Variants in ATXN1 observed in about 807,000 individuals in gnomAD.
The protein encoded by ATXN1 is ataxin-1.
Under a neutral mutation model 56.4 loss-of-function variants are expected in ATXN1, and 8 were observed. The observed-to-expected ratio is 0.14, with a 90% CI of 0.08 to 0.26. The LOEUF is 0.26. Among genes scored for constraint, ATXN1 ranks in the 10% least tolerant of loss-of-function variants. ATXN1 has a pLI of 1.00. For missense variants in ATXN1, 987 were observed against 1,106.5 expected, an observed-to-expected ratio of 0.89 and a Z score of 1.53; for synonymous variants, 514 against 494.6, an observed-to-expected ratio of 1.04 and a Z score of -0.52.
intron 2 of ATXN1, among the ~76,000 whole-genome samples, chr6:16,748,932 C>A (rs1760624796): frequency 6.6e-6 from 1 of 152,178 alleles, no homozygotes; most frequent in African/African-American, 2.4e-5. Context: ...GTAACATCAT[C>A]TCCAGCCTTC....
intron 2 of ATXN1, among the ~76,000 whole-genome samples, chr6:16,664,877 T>C (rs951855202): frequency 6.6e-6 from 1 of 152,210 alleles, no homozygotes; most frequent in South Asian, 2.1e-4. Context: ...TTGAGAAAAA[T>C]GTAAAATATT....
At chr6:16,407,414 T>C (rs539283773) in intron 6 of ATXN1, among the ~76,000 whole-genome samples, 2 of 152,222 alleles carry the variant, frequency 1.3e-5, no homozygotes, top group Non-Finnish European at 2.9e-5. Flanking sequence ...CAATGGCACA[T>C]TGAAATCACT....
At chr6:16,519,175 T>C (rs1761240591) in intron 5 of ATXN1, among the ~76,000 whole-genome samples, 1 of 152,130 alleles carries the variant, frequency 6.6e-6, no homozygotes, top group Non-Finnish European at 1.5e-5. Context: ...AGAAGATACA[T>C]GTTTCGTATC....
intron 3 of ATXN1, among the ~76,000 whole-genome samples, chr6:16,616,701 T>G (rs1171441522): frequency 6.9e-6 from 1 of 145,736 alleles, no homozygotes; most frequent in Admixed American, 7.0e-5. Flanking sequence ...TAATGGTCAG[T>G]TACTAGAAGA....
intron 6 of ATXN1, among the ~76,000 whole-genome samples, chr6:16,395,281 A>AAAAAAAAAAAAAAG: frequency 6.6e-6 from 1 of 151,256 alleles, no homozygotes; most frequent in Non-Finnish European, 1.5e-5. Flanking sequence ...AAAAAAAAAA[A>AAAAAAAAAAAAAAG]AAAAAAAAAA....
Position 16,358,449 on chromosome 6 carries a change from A to G in ATXN1, c.-160-29979T>C, listed in dbSNP as rs563940281. Among the ~76,000 whole-genome samples, 95 of 152,374 alleles carry G rather than the reference A, an allele frequency of 6.2e-4. 1 individual carries two copies. Among genetic ancestry groups the G allele is most frequent in the African/African-American group, 2.2e-3 (92 of 41,598 alleles). On this transcript the variant is annotated intron_variant, in intron 6 of 7. Coordinates refer to ENST00000436367, the MANE Select transcript of ATXN1 (RefSeq NM_001128164.2). ...AGTGGATAAATTATTGTATGTATAT[A>G]TCACAGAATACTACTCAGCCATAAA...
At chr6:16,694,886 T>C (rs747664134) in intron 2 of ATXN1, among the ~76,000 whole-genome samples, 1 of 152,170 alleles carries the variant, frequency 6.6e-6, no homozygotes, top group Admixed American at 6.5e-5. Flanking sequence ...TAGGGTTAAC[T>C]TCCCTCCTGT....
At chr6:16,450,911 C>T (rs1276305348) in intron 6 of ATXN1, among the ~76,000 whole-genome samples, 4 of 152,164 alleles carry the variant, frequency 2.6e-5, no homozygotes, top group Non-Finnish European at 4.4e-5. Flanking sequence ...TGTGAACGCA[C>T]CTGATCCATG....
intron 2 of ATXN1, among the ~76,000 whole-genome samples, chr6:16,740,791 C>T (rs1290464037): frequency 1.3e-5 from 2 of 152,128 alleles, no homozygotes; most frequent in African/African-American, 4.8e-5. Flanking sequence ...CCTTGGCCTC[C>T]CAAAGCACTG....
rs533272230 is a variant in ATXN1, at chr6:16,444,727, T to C, written c.-161+41245A>G. Among the ~76,000 whole-genome samples the C allele has an allele frequency of 1.9e-3, 290 of 152,306 alleles. 1 individual carries two copies. The highest frequency in any genetic ancestry group is 2.9e-3 in the Non-Finnish European group (195 of 68,016). ...TTCCTGCTAACAAATGAACAAATAA[T>C]AATAGAATTAGACTACCACTATTTG... On this transcript the variant is annotated intron_variant, in intron 6 of 7. Coordinates refer to ENST00000436367, the MANE Select transcript of ATXN1 (RefSeq NM_001128164.2).
intron 3 of ATXN1, among the ~76,000 whole-genome samples, chr6:16,621,246 C>T (rs947774497): frequency 3.9e-5 from 6 of 152,196 alleles, no homozygotes; most frequent in Non-Finnish European, 7.4e-5. Flanking sequence ...GACACCTTGT[C>T]GGCTGCTCTC....
At chr6:16,332,322 G>A (rs183875376) in intron 6 of ATXN1, among the ~76,000 whole-genome samples, 1 of 152,266 alleles carries the variant, frequency 6.6e-6, no homozygotes, top group Non-Finnish European at 1.5e-5. Context: ...CACATTCCTG[G>A]TCTATCGGGT....
At chr6:16,501,781 A>G (rs552729404) in intron 5 of ATXN1, among the ~76,000 whole-genome samples, 58 of 152,294 alleles carry the variant, frequency 3.8e-4, no homozygotes, top group African/African-American at 1.4e-3. Flanking sequence ...TGCAGTAAAC[A>G]TATGTGTGCA....
intron 6 of ATXN1, among the ~76,000 whole-genome samples, chr6:16,342,192 GATTTT>G (rs1359774323): frequency 2.0e-5 from 3 of 152,046 alleles, no homozygotes; most frequent in Non-Finnish European, 2.9e-5. Context: ...CTGTCTCAGT[GATTTT>G]AATTACAGCA....
At chr6:16,363,461 G>A (rs1019983912) in intron 6 of ATXN1, among the ~76,000 whole-genome samples, 2 of 152,194 alleles carry the variant, frequency 1.3e-5, no homozygotes, top group African/African-American at 4.8e-5. Context: ...TTGATTCAAG[G>A]TTCCACTAAG....
At chr6:16,441,485 T>C (rs1759516077) in intron 6 of ATXN1, among the ~76,000 whole-genome samples, 1 of 151,988 alleles carries the variant, frequency 6.6e-6, no homozygotes, top group Non-Finnish European at 1.5e-5. Context: ...AGTGCACAGT[T>C]ATTATAAGAA....
At chr6:16,627,388 T>C (rs565221123) in intron 3 of ATXN1, among the ~76,000 whole-genome samples, 1 of 152,258 alleles carries the variant, frequency 6.6e-6, no homozygotes, top group South Asian at 2.1e-4. Context: ...ACACTTCCCA[T>C]CTGCTTCTTG....
chr6:16,521,242 T>C (rs1189338288), intron 5 of ATXN1, among the ~76,000 whole-genome samples: 6 of 152,206 alleles, frequency 3.9e-5, no homozygotes, highest in Admixed American at 6.5e-5. Flanking sequence ...TGCACTCTTA[T>C]GTAAAAACCA....
At chr6:16,572,884 A>G (rs1762356696) in intron 4 of ATXN1, among the ~76,000 whole-genome samples, 1 of 152,208 alleles carries the variant, frequency 6.6e-6, no homozygotes, top group African/African-American at 2.4e-5. Context: ...AGCATCCTCT[A>G]TCTTGGCAGA....
Sources: allele counts gnomAD v4.1 joint callset (sites outside exome capture counted in the v4.1 genomes callset), GRCh38; gene constraint gnomAD v4.1.1; transcripts MANE v1.5; gene names NCBI Gene and HGNC (gene_info 2026-07-23, HGNC 2026-07-21).